The following DNAJC16 variants were observed in gnomAD, a reference collection of about 807,000 sequenced individuals.
DNAJC16 encodes the protein DnaJ heat shock protein family (Hsp40) member C16.
In DNAJC16, 76 loss-of-function variants were observed where a neutral mutation model predicts 92.7. The ratio of observed to expected loss-of-function variants is 0.82; its 90% confidence interval spans 0.68 to 0.99. The LOEUF is 0.99. Among genes scored for constraint, DNAJC16 ranks in the 50% least tolerant of loss-of-function variants. The pLI, the probability that DNAJC16 is intolerant of heterozygous loss-of-function variation, is 0.00. For missense variants in DNAJC16, 869 were observed against 942.4 expected, an observed-to-expected ratio of 0.92 and a Z score of 1.02; for synonymous variants, 328 against 358.7, an observed-to-expected ratio of 0.91 and a Z score of 0.97.
chr1:15,544,575 G>T lies in DNAJC16; in HGVS notation c.751G>T (p.Val251Leu), dbSNP rs376992524. 4 of 1,614,064 alleles carry T rather than the reference G, an allele frequency of 2.5e-6. No individual in the cohort carries two copies. Among genetic ancestry groups the T allele is most frequent in the Non-Finnish European group, 3.4e-6 (4 of 1,179,952 alleles). ...AGAAAGTCTTCTTCCAGGGAACTTGGTGGAGAAAGTAAGTATCTGTCAAGG... is the reference window on the plus strand; with the variant it reads ...AGAAAGTCTTCTTCCAGGGAACTTGTTGGAGAAAGTAAGTATCTGTCAAGG... Reference protein sequence around the residue: ...FVESLLPGNLVEKVTNKNYVR... With the variant: ...FVESLLPGNLLEKVTNKNYVR... The change falls in exon 5 of 15, where the codon GTG (valine) becomes TTG (leucine). Residue 251 changes from valine (V) to leucine (L), a missense_variant. Transcript: ENST00000375847.
chr1:15,539,462 G>T (rs930512368), intron 4 of DNAJC16, among the ~76,000 whole-genome samples: 10 of 151,766 alleles, frequency 6.6e-5, no homozygotes, highest in African/African-American at 2.4e-4. Context: ...TAGCCAGGAT[G>T]GTCTCGATCT....
rs1638317958 is a variant in DNAJC16 at position 15,546,797 on chromosome 1, T to C, written c.790T>C (p.Ser264Pro). The C allele has an allele frequency of 6.2e-7, 1 of 1,613,766 alleles. No homozygotes were observed. The highest frequency in any genetic ancestry group is 2.2e-5 in the East Asian group (1 of 44,870). The change falls in exon 6 of 15, where the codon TCT (serine) becomes CCT (proline). Residue 264 changes from serine to proline, a missense_variant. Transcript: ENST00000375847. ...AAATAAAAATTACGTCAGATTCCTC[T>C]CTGGCTGGCAGCAAGAGAATAAGCC... ...VTNKNYVRFL[S>P]GWQQENKPHV...
chr1:15,529,103 G>T lies in DNAJC16; in HGVS notation c.-3G>T. On this transcript the variant is annotated 5_prime_UTR_variant, in exon 2 of 15. Coordinates refer to ENST00000375847, the MANE Select transcript of DNAJC16 (RefSeq NM_015291.4). The stretch of plus-strand genomic sequence containing the variant: ...ATCATTTCAGCTCTGGAAAGGAAGA[G>T]AAATGGAAGTGAGAAAGTTGAGCAT... 2 of 1,613,072 alleles carry T rather than the reference G, an allele frequency of 1.2e-6. No individual in the cohort carries two copies. The highest frequency in any genetic ancestry group is 1.7e-6 in the Non-Finnish European group (2 of 1,179,786).
Position 15,567,505 on chromosome 1 carries a change from G to A in DNAJC16, c.1949+236G>A, listed in dbSNP as rs1638847124. ...GCTTGAACTCAGTGTTATTCCCTGA[G>A]CCCTTTCAGTTACTGTTCTCTAGCC... On this transcript the variant is annotated intron_variant, in intron 14 of 14. Transcript: ENST00000375847. 2.6e-5 allele frequency among the ~76,000 whole-genome samples: 4 copies of A among 152,118 alleles called. No homozygotes were observed. The South Asian group carries it at 8.3e-4, about 31-fold the overall frequency.
In DNAJC16 at chr1:15,568,714, T is replaced by TG. The variant is rs1638876479; in HGVS notation, c.*540dup. 5.0e-6 allele frequency: 2 copies of TG among 398,896 alleles called. No individual in the cohort carries two copies. The highest frequency in any genetic ancestry group is 8.8e-6 in the Non-Finnish European group (2 of 226,396). The allele number at this position is 398,896 out of a possible 1,614,324, so 24.7% of individuals were successfully genotyped here. ...GCAATCTCACGTTTACTGGTTGTTC[T>TG]GGGAGTAAGTGGCTAAATGTATATT... On this transcript the variant is annotated 3_prime_UTR_variant, in exon 15 of 15. Coordinates refer to ENST00000375847, the MANE Select transcript of DNAJC16 (RefSeq NM_015291.4).
At chr1:15,557,499 T>C (rs1446508294) in intron 7 of DNAJC16, among the ~76,000 whole-genome samples, 1 of 152,094 alleles carries the variant, frequency 6.6e-6, no homozygotes, top group East Asian at 1.9e-4. Context: ...ATATATTCAT[T>C]TCTTGTTTCA....
Position 15,559,575 on chromosome 1 carries a change from AAT to A in DNAJC16, c.1076_1077del (p.Tyr359SerfsTer14). Reference sequence around the variant, plus strand: ...ATTGACGACTTCATCACCCGAAACAAATATCTATTGGCAGCCAGGCTCACCAG... The same window carrying A: ...ATTGACGACTTCATCACCCGAAACAAATCTATTGGCAGCCAGGCTCACCAG... On this transcript the variant is annotated frameshift_variant, in exon 8 of 15. Coordinates refer to ENST00000375847, the MANE Select transcript of DNAJC16 (RefSeq NM_015291.4). LOFTEE classifies it high-confidence loss of function. 4 of 1,614,180 alleles carry A rather than the reference AAT, an allele frequency of 2.5e-6. No individual in the cohort carries two copies. Among genetic ancestry groups the A allele is most frequent in the Non-Finnish European group, 3.4e-6 (4 of 1,180,026 alleles).
intron 7 of DNAJC16, among the ~76,000 whole-genome samples, chr1:15,554,914 C>A (rs1290723990): frequency 1.3e-5 from 2 of 151,840 alleles, no homozygotes; most frequent in Non-Finnish European, 2.9e-5. Flanking sequence ...CATGATATAT[C>A]TGTTTCATTT....
chr1:15,541,389 C>T (rs767231952), intron 4 of DNAJC16, among the ~76,000 whole-genome samples: 1 of 152,100 alleles, frequency 6.6e-6, no homozygotes, highest in African/African-American at 2.4e-5. Context: ...TAGAGAAGAG[C>T]CAAGAATCCA....
intron 7 of DNAJC16, among the ~76,000 whole-genome samples, chr1:15,552,770 A>ATT (rs1275264353): frequency 1.4e-5 from 2 of 140,386 alleles, no homozygotes; most frequent in African/African-American, 2.7e-5. Context: ...ATTATTATTT[A>ATT]TTTTTTTTTT....
chr1:15,531,684 T>A (rs1298402939), intron 2 of DNAJC16, among the ~76,000 whole-genome samples: 2 of 152,242 alleles, frequency 1.3e-5, no homozygotes, highest in African/African-American at 4.8e-5. Flanking sequence ...TTCTCTTTTT[T>A]AATTAGATTC....
At chr1:15,552,313 C>T (rs1308426605) in intron 7 of DNAJC16, among the ~76,000 whole-genome samples, 1 of 151,806 alleles carries the variant, frequency 6.6e-6, no homozygotes, top group East Asian at 1.9e-4. Context: ...TGGTGAAACC[C>T]TGTTTCTACT....
rs749963595 is a variant in DNAJC16, at chr1:15,563,164, GT to G, written c.1339-763del. Among the ~76,000 whole-genome samples the G allele has an allele frequency of 1.2e-3, 180 of 152,078 alleles. 1 individual carries two copies. The highest frequency in any genetic ancestry group is 2.5e-3 in the Non-Finnish European group (169 of 68,020). On this transcript the variant is annotated intron_variant, in intron 9 of 14. Transcript: ENST00000375847. ...AGGTTTCCATTAATATTAAGTCAAGGTTATAGAGCAAAGTCTATTGAGAAAA... is the reference window on the plus strand; with the variant it reads ...AGGTTTCCATTAATATTAAGTCAAGGTATAGAGCAAAGTCTATTGAGAAAA...
chr1:15,537,348 T>C (rs1222354294), intron 4 of DNAJC16, among the ~76,000 whole-genome samples: 4 of 152,150 alleles, frequency 2.6e-5, no homozygotes, highest in Non-Finnish European at 5.9e-5. Flanking sequence ...TGTAAAAGCA[T>C]CCAGTGTTTA....
chr1:15,565,640 C>A (rs1570932152), intron 11 of DNAJC16: 4 of 385,844 alleles, frequency 1.0e-5, no homozygotes, highest in East Asian at 5.0e-5. Context: ...CCTTTATTAT[C>A]CCTTTTATTG....
chr1:15,559,797 C>A, intron 8 of DNAJC16, 141 bp downstream of exon 8: 1 of 1,233,162 alleles, frequency 8.1e-7, no homozygotes, highest in Non-Finnish European at 1.1e-6. Context: ...GGCATGGTGG[C>A]TCATGCCTGT....
In DNAJC16 at chr1:15,566,182, T is replaced by G; in HGVS notation, c.1778+2T>G. Reference sequence around the variant, plus strand: ...AAGCTTCACCAAAGAAAACAGCAGGTTTCTCTAACAAAACACCAGACTCAC... The same window carrying G: ...AAGCTTCACCAAAGAAAACAGCAGGGTTCTCTAACAAAACACCAGACTCAC... On this transcript the variant is annotated splice_donor_variant, in intron 13 of 14. Transcript: ENST00000375847. LOFTEE classifies it high-confidence loss of function. 3 of 1,612,858 alleles carry G rather than the reference T, an allele frequency of 1.9e-6. No individual in the cohort carries two copies. The highest frequency in any genetic ancestry group is 2.5e-6 in the Non-Finnish European group (3 of 1,179,574).
chr1:15,546,598 C>T (rs1430681394), intron 5 of DNAJC16, among the ~76,000 whole-genome samples, 169 bp from the exon 6 acceptor site: 1 of 152,156 alleles, frequency 6.6e-6, no homozygotes, highest in Non-Finnish European at 1.5e-5. Flanking sequence ...ATCAATATCA[C>T]CATTCTTTTA....
At chr1:15,533,415 TCAGGAGTTTGAGAC>T (rs1298898807) in intron 2 of DNAJC16, among the ~76,000 whole-genome samples, 3 of 152,066 alleles carry the variant, frequency 2.0e-5, no homozygotes, top group Non-Finnish European at 2.9e-5. Flanking sequence ...TCATTTGAGG[TCAGGAGTTTGAGAC>T]CAGCCCAGCC....
Sources: gnomAD v4.1 joint callset for allele counts (sites outside exome capture counted in the v4.1 genomes callset) on GRCh38, gnomAD v4.1.1 for gene constraint, MANE v1.5 for transcripts, NCBI Gene and HGNC (gene_info 2026-07-23, HGNC 2026-07-21) for gene names.